NAV1: variants seen among roughly 807,000 people sequenced by gnomAD.
NAV1 encodes neuron navigator 1, also known as pore membrane and/or filament interacting like protein 3.
A neutral mutation model predicts 175.2 loss-of-function variants in NAV1; 18 were observed. The ratio of observed to expected loss-of-function variants is 0.10; its 90% CI spans 0.07 to 0.15. The LOEUF (loss-of-function observed/expected upper bound fraction) is 0.15. Among genes scored for constraint, NAV1 ranks in the 10% least tolerant of loss-of-function variants. NAV1 has a pLI of 1.00. For synonymous variants in NAV1, 897 were observed against 978.7 expected, an observed-to-expected ratio of 0.92 and a Z score of 1.56; for missense variants, 1,731 against 2,436.6, an observed-to-expected ratio of 0.71 and a Z score of 6.10.
At chr1:201,570,739 A>G (rs917742250) in intron 1 of NAV1, among the ~76,000 whole-genome samples, 30 of 152,346 alleles carry the variant, frequency 2.0e-4, no homozygotes, top group African/African-American at 5.0e-4. Flanking sequence ...CACCAAGCAC[A>G]TTGAGTCTTC....
intron 1 of NAV1, among the ~76,000 whole-genome samples, chr1:201,681,958 A>T (rs1670483521): frequency 6.6e-6 from 1 of 152,174 alleles, no homozygotes; most frequent in Non-Finnish European, 1.5e-5. Context: ...TCTACTAAAA[A>T]TACAAAAATC....
chr1:201,765,785 A>G (rs1675178233), intron 3 of NAV1, among the ~76,000 whole-genome samples: 1 of 152,158 alleles, frequency 6.6e-6, no homozygotes, highest in Non-Finnish European at 1.5e-5. Context: ...GTTGCAACAG[A>G]TACTCTAAAA....
chr1:201,775,499 A>G (rs1675877680), intron 3 of NAV1, among the ~76,000 whole-genome samples: 1 of 152,156 alleles, frequency 6.6e-6, no homozygotes, highest in African/African-American at 2.4e-5. Flanking sequence ...AAGGTTCTCA[A>G]TAACTTATAA....
chr1:201,725,614 A>C (rs1025041682), intron 3 of NAV1, among the ~76,000 whole-genome samples: 4 of 148,700 alleles, frequency 2.7e-5, no homozygotes, highest in Non-Finnish European at 4.5e-5. Context: ...GTGCCACTGC[A>C]CTCCAGCCCG....
In NAV1 at chr1:201,813,737, T is replaced by A. The variant is rs1417548242; in HGVS notation, c.5340+479T>A. 6.6e-6 allele frequency among the ~76,000 whole-genome samples: 1 copy of A among 151,008 alleles called. No homozygotes were observed. Among genetic ancestry groups the A allele is most frequent in the East Asian group, 1.9e-4 (1 of 5,176 alleles). ...TCACTGGAGTCTTTTGAAGACAAAATGAAATATGTGAAAAGATTTTTAAAA... is the reference window on the plus strand; with the variant it reads ...TCACTGGAGTCTTTTGAAGACAAAAAGAAATATGTGAAAAGATTTTTAAAA... On this transcript the variant is annotated intron_variant, in intron 28 of 29. Transcript: ENST00000367296. This position sits in a 1 kb window ranked among gnomAD's most constrained non-coding sequence, Gnocchi z 4.2.
intron 1 of NAV1, among the ~76,000 whole-genome samples, chr1:201,669,933 C>T (rs916127378): frequency 6.6e-6 from 1 of 151,946 alleles, no homozygotes; most frequent in Non-Finnish European, 1.5e-5. Flanking sequence ...GGCTTCTGAA[C>T]CCCAGGAGCA....
intron 3 of NAV1, chr1:201,739,608 G>C (rs1199118327): frequency 2.6e-5 from 5 of 191,320 alleles, no homozygotes; most frequent in Non-Finnish European, 4.9e-5. Context: ...AGCGCCCAAG[G>C]GACCACAGCT....
chr1:201,650,800 G>T (rs541573384), intron 1 of NAV1, among the ~76,000 whole-genome samples: 1 of 152,290 alleles, frequency 6.6e-6, no homozygotes, highest in South Asian at 2.1e-4. Context: ...GGGCAATCAG[G>T]AGACTGGACA....
intron 2 of NAV1, among the ~76,000 whole-genome samples, chr1:201,714,360 T>C (rs999027271): frequency 6.6e-6 from 1 of 152,116 alleles, no homozygotes; most frequent in Admixed American, 6.6e-5. Context: ...GTACTACTCC[T>C]CCCCCTATCC....
intron 3 of NAV1, among the ~76,000 whole-genome samples, chr1:201,771,195 C>T (rs561360317): frequency 4.0e-5 from 6 of 150,034 alleles, no homozygotes; most frequent in Non-Finnish European, 7.4e-5. Flanking sequence ...GCCGAGATCC[C>T]GCCACTGCAC....
chr1:201,653,311 CA>C (rs1015708652), intron 1 of NAV1, among the ~76,000 whole-genome samples: 3 of 152,186 alleles, frequency 2.0e-5, no homozygotes, highest in African/African-American at 7.2e-5. Context: ...TAAGACTGCC[CA>C]AGGTCAGGGA....
exon 1 of NAV1, chr1:201,649,243 C>T: frequency 1.2e-6 from 2 of 1,613,176 alleles, no homozygotes; most frequent in Non-Finnish European, 8.5e-7. Context: ...CCTGAAGCGG[C>T]CGTGAGCGAA....
chr1:201,571,119 G>C (rs1219734146), intron 1 of NAV1, among the ~76,000 whole-genome samples: 1 of 152,226 alleles, frequency 6.6e-6, no homozygotes, highest in African/African-American at 2.4e-5. Flanking sequence ...CATCCACTGT[G>C]AGCTGTGTGG....
At chr1:201,546,273 C>T (rs1665669494) in intron 1 of NAV1, among the ~76,000 whole-genome samples, 1 of 152,212 alleles carries the variant, frequency 6.6e-6, no homozygotes, top group African/African-American at 2.4e-5. Flanking sequence ...GCTTTTTGTG[C>T]TCTTCATCGC....
chr1:201,745,527 T>C (rs1322892082), intron 3 of NAV1, among the ~76,000 whole-genome samples: 2 of 152,228 alleles, frequency 1.3e-5, no homozygotes, highest in African/African-American at 2.4e-5. Flanking sequence ...GTGTTTTCTT[T>C]GTTATCTTAT....
chr1:201,651,930 A>T (rs1473291838), intron 1 of NAV1, among the ~76,000 whole-genome samples: 1 of 151,906 alleles, frequency 6.6e-6, no homozygotes, highest in Admixed American at 6.6e-5. Flanking sequence ...GGAGGAAAGG[A>T]GGGGAGTTGG....
chr1:201,732,701 T>C (rs1280797475), intron 3 of NAV1, among the ~76,000 whole-genome samples: 1 of 152,244 alleles, frequency 6.6e-6, no homozygotes, highest in Non-Finnish European at 1.5e-5. Flanking sequence ...CCACAAACAC[T>C]TGTAGACCAC....
At chr1:201,730,349 C>T (rs2102519875) in intron 3 of NAV1, among the ~76,000 whole-genome samples, 2 of 152,298 alleles carry the variant, frequency 1.3e-5, no homozygotes, top group Middle Eastern at 3.4e-3. Context: ...CTCAAAGTGG[C>T]CCCACCAGAA....
intron 1 of NAV1, among the ~76,000 whole-genome samples, chr1:201,573,586 C>T (rs369827447): frequency 1.4e-3 from 213 of 152,314 alleles, no homozygotes; most frequent in Middle Eastern, 6.8e-3. Flanking sequence ...TCCATCATGA[C>T]AGAGGGAGGC....
Sources: allele counts gnomAD v4.1 joint callset (sites outside exome capture counted in the v4.1 genomes callset), GRCh38; gene constraint gnomAD v4.1.1; non-coding constraint Gnocchi (gnomAD v3.1); transcripts MANE v1.5; gene names NCBI Gene and HGNC (gene_info 2026-07-23, HGNC 2026-07-21).